The following CNTN4 variants were observed in gnomAD, a reference collection of about 807,000 sequenced individuals.
CNTN4 encodes the protein contactin-4.
In CNTN4, 77 loss-of-function variants were observed where a neutral mutation model predicts 122.5. The ratio of observed to expected loss-of-function variants is 0.63; its 90% confidence interval spans 0.52 to 0.76. CNTN4 has a LOEUF of 0.76. Among genes scored for constraint, CNTN4 ranks in the 30% least tolerant of loss-of-function variants. The probability of loss-of-function intolerance (pLI) is 0.00; values close to 1 mark genes in which losing one functional copy is unlikely to be tolerated. For synonymous variants in CNTN4, 512 were observed against 447.0 expected, an observed-to-expected ratio of 1.15 and a Z score of -1.83; for missense variants, 1,256 against 1,259.1, an observed-to-expected ratio of 1.00 and a Z score of 0.04.
chr3:2,453,418 T>C (rs1399806451), intron 3 of CNTN4, among the ~76,000 whole-genome samples: 1 of 152,094 alleles, frequency 6.6e-6, no homozygotes, highest in African/African-American at 2.4e-5. Context: ...AAAGCAGTAA[T>C]GATAGCTGCT....
Position 2,550,763 on chromosome 3 carries a change from C to A in CNTN4, c.-88-20653C>A, listed in dbSNP as rs868828605. Among the ~76,000 whole-genome samples, 90 of 152,154 alleles carry A rather than the reference C, an allele frequency of 5.9e-4. No individual in the cohort carries two copies. The Middle Eastern group carries it at 0.014, about 23-fold the overall frequency. ...GGCACATATATACCATGGAATACTA[C>A]GTAGCCATAAAAAAGGATGAGCGTA... On this transcript the variant is annotated intron_variant, in intron 3 of 24. Coordinates refer to ENST00000418658, the MANE Select transcript of CNTN4 (RefSeq NM_175607.3).
intron 6 of CNTN4, among the ~76,000 whole-genome samples, chr3:2,759,576 A>G (rs888740917): frequency 1.3e-5 from 2 of 152,206 alleles, no homozygotes; most frequent in African/African-American, 4.8e-5. Flanking sequence ...TAATGCTGCT[A>G]TGAACATTCA....
chr3:2,380,678 G>T lies in CNTN4; in HGVS notation c.-89+41445G>T, dbSNP rs1011218448. Among the ~76,000 whole-genome samples, 77 of 151,334 alleles carry T rather than the reference G, an allele frequency of 5.1e-4. 2 individuals carry two copies. Among genetic ancestry groups the T allele is most frequent in the Middle Eastern group, 3.5e-3 (1 of 288 alleles). The stretch of plus-strand genomic sequence containing the variant: ...TCAGTATATCCAGATTGGACTTGCT[G>T]ATCATGCATGCTTAGTGGGTTTCTT... On this transcript the variant is annotated intron_variant, in intron 3 of 24. Transcript: ENST00000418658.
At chr3:2,616,673 G>C (rs1030433334) in intron 4 of CNTN4, among the ~76,000 whole-genome samples, 2 of 152,066 alleles carry the variant, frequency 1.3e-5, no homozygotes, top group African/African-American at 4.8e-5. Context: ...TCGCCATTCT[G>C]ACTGTCATGA....
rs191410821 is a variant in CNTN4, at chr3:2,927,916, G to A, written c.1358+2137G>A. Among the ~76,000 whole-genome samples the A allele has an allele frequency of 1.0e-3, 156 of 152,262 alleles. 1 individual carries two copies. Among genetic ancestry groups the A allele is most frequent in the African/African-American group, 3.5e-3 (145 of 41,554 alleles). On this transcript the variant is annotated intron_variant, in intron 13 of 24. Transcript: ENST00000418658. Reference sequence around the variant, plus strand: ...CACTTATTCTCCACATGAGTGCTGTGTTCTCACAGTTCTGATCCTCGTTCC... The same window carrying A: ...CACTTATTCTCCACATGAGTGCTGTATTCTCACAGTTCTGATCCTCGTTCC...
At chr3:2,585,577 AC>A (rs1273984938) in intron 4 of CNTN4, among the ~76,000 whole-genome samples, 2 of 151,792 alleles carry the variant, frequency 1.3e-5, no homozygotes, top group African/African-American at 4.8e-5. Flanking sequence ...TTCTGAGCAA[AC>A]TATCGCATGG....
chr3:3,043,091 G>A lies in CNTN4; in HGVS notation c.2626G>A (p.Ala876Thr). The change falls in exon 22 of 25, where the codon GCT (alanine) becomes ACT (threonine). Residue 876 changes from alanine to threonine, a missense_variant. Transcript: ENST00000418658. Reference protein sequence around the residue: ...NLKGSVLYHLAVKAYNSAGTG... With the variant: ...NLKGSVLYHLTVKAYNSAGTG... Reference sequence around the variant, plus strand: ...AAAAGGCAGTGTGCTGTATCACTTAGCTGTCAAGGCATATAATTCTGCTGG... The same window carrying A: ...AAAAGGCAGTGTGCTGTATCACTTAACTGTCAAGGCATATAATTCTGCTGG... The A allele has an allele frequency of 1.2e-6, 2 of 1,614,168 alleles. No individual in the cohort carries two copies. The highest frequency in any genetic ancestry group is 1.7e-6 in the Non-Finnish European group (2 of 1,180,020).
intron 4 of CNTN4, among the ~76,000 whole-genome samples, chr3:2,734,399 T>C (rs2088926752): frequency 6.6e-6 from 1 of 152,138 alleles, no homozygotes; most frequent in Non-Finnish European, 1.5e-5. Context: ...ATCACTGGCC[T>C]AGTCTAATCT....
intron 3 of CNTN4, among the ~76,000 whole-genome samples, chr3:2,418,361 C>T (rs1559534838): frequency 6.6e-6 from 1 of 152,104 alleles, no homozygotes; most frequent in Non-Finnish European, 1.5e-5. Flanking sequence ...TTAGAACAAC[C>T]TCTTCAAAAT....
At chr3:2,568,337 A>AC (rs2079272119) in intron 3 of CNTN4, among the ~76,000 whole-genome samples, 1 of 151,240 alleles carries the variant, frequency 6.6e-6, no homozygotes, top group Admixed American at 6.6e-5. Context: ...AAAAAAAAAA[A>AC]AAACCACCCT....
chr3:2,311,660 C>A (rs898776125), intron 2 of CNTN4, among the ~76,000 whole-genome samples: 1 of 152,172 alleles, frequency 6.6e-6, no homozygotes, highest in African/African-American at 2.4e-5. Context: ...ACTGATCCGG[C>A]ATGCTAAGAG....
intron 2 of CNTN4, among the ~76,000 whole-genome samples, chr3:2,199,727 G>C (rs191702196): frequency 2.6e-4 from 39 of 152,250 alleles, no homozygotes; most frequent in African/African-American, 9.1e-4. Context: ...AAATAACATA[G>C]CATGTAAATA....
chr3:2,237,007 T>C (rs1479994441), intron 2 of CNTN4, among the ~76,000 whole-genome samples: 1 of 152,070 alleles, frequency 6.6e-6, no homozygotes, highest in Non-Finnish European at 1.5e-5. Flanking sequence ...TGGAGGATGG[T>C]AGAAGATGAG....
At chr3:2,309,436 G>A (rs73115760) in intron 2 of CNTN4, among the ~76,000 whole-genome samples, 150 of 152,074 alleles carry the variant, frequency 9.9e-4, no homozygotes, top group African/African-American at 3.2e-3. Flanking sequence ...TAATTACAGC[G>A]CTTAATATAT....
intron 4 of CNTN4, among the ~76,000 whole-genome samples, chr3:2,704,756 A>C (rs1036437477): frequency 2.0e-5 from 3 of 152,200 alleles, no homozygotes; most frequent in Non-Finnish European, 4.4e-5. Context: ...ACATTTACAG[A>C]AAATGAAATG....
chr3:2,102,503 G>C (rs984108433), intron 2 of CNTN4, among the ~76,000 whole-genome samples: 1 of 152,142 alleles, frequency 6.6e-6, no homozygotes, highest in Non-Finnish European at 1.5e-5. Flanking sequence ...CCTCAGATGT[G>C]AAATATATTT....
chr3:2,155,545 T>G (rs1317662292), intron 2 of CNTN4, among the ~76,000 whole-genome samples: 2 of 152,198 alleles, frequency 1.3e-5, no homozygotes, highest in African/African-American at 4.8e-5. Flanking sequence ...CTGAAAACTG[T>G]TTTTAAGTGA....
rs956500468 is a variant in CNTN4, at chr3:2,679,331, G to T, written c.56-56884G>T. Among the ~76,000 whole-genome samples the T allele has an allele frequency of 2.6e-5, 4 of 152,136 alleles. No individual in the cohort carries two copies. The South Asian group carries it at 8.3e-4, about 32-fold the overall frequency. ...TGACTGAGGGGGAGTAGGGCATATTGATTTGTGTCTGGTATGTGGCAGCTC... is the reference window on the plus strand; with the variant it reads ...TGACTGAGGGGGAGTAGGGCATATTTATTTGTGTCTGGTATGTGGCAGCTC... On this transcript the variant is annotated intron_variant, in intron 4 of 24. Coordinates refer to ENST00000418658, the MANE Select transcript of CNTN4 (RefSeq NM_175607.3).
At chr3:2,660,231 C>T (rs922098929) in intron 4 of CNTN4, among the ~76,000 whole-genome samples, 1 of 143,990 alleles carries the variant, frequency 6.9e-6, no homozygotes, top group African/African-American at 2.7e-5. Flanking sequence ...AAAAAAAAAA[C>T]TCTAATAGTA....
Sources: gnomAD v4.1 joint callset for allele counts (sites outside exome capture counted in the v4.1 genomes callset) on GRCh38, gnomAD v4.1.1 for gene constraint, MANE v1.5 for transcripts, NCBI Gene and HGNC (gene_info 2026-07-23, HGNC 2026-07-21) for gene names.